MERTK: variants seen among roughly 807,000 people sequenced by gnomAD.
MERTK encodes the protein tyrosine-protein kinase Mer.
In MERTK, 69 loss-of-function variants were observed where a neutral mutation model predicts 99.3. The observed-to-expected ratio is 0.70, with a 90% CI of 0.57 to 0.85. The LOEUF (loss-of-function observed/expected upper bound fraction) is 0.85, where lower values mean the gene tolerates loss of function less well. MERTK is among the 40% of genes least tolerant of loss of function. The pLI is 0.00. For synonymous variants in MERTK, 426 were observed against 467.6 expected, an observed-to-expected ratio of 0.91 and a Z score of 1.15; for missense variants, 1,125 against 1,249.4, an observed-to-expected ratio of 0.90 and a Z score of 1.50.
intron 4 of MERTK, among the ~76,000 whole-genome samples, chr2:111,951,275 A>G (rs115365351): frequency 6.5e-4 from 99 of 151,972 alleles, no homozygotes; most frequent in Non-Finnish European, 1.2e-3. Context: ...GAACTTATTC[A>G]TCCTGTGGAC....
intron 18 of MERTK, among the ~76,000 whole-genome samples, chr2:112,027,763 C>G (rs930213551): frequency 2.6e-5 from 4 of 152,306 alleles, no homozygotes; most frequent in Middle Eastern, 3.4e-3. Context: ...ACAACTACCC[C>G]CTGCCCTCAC....
intron 4 of MERTK, among the ~76,000 whole-genome samples, chr2:111,963,661 G>A (rs1685300313): frequency 6.6e-6 from 1 of 152,198 alleles, no homozygotes; most frequent in Admixed American, 6.5e-5. Context: ...ACATGTTTCA[G>A]GGAGCACGGG....
intron 8 of MERTK, among the ~76,000 whole-genome samples, chr2:111,985,781 T>C (rs892838934): frequency 6.6e-6 from 1 of 152,026 alleles, no homozygotes; most frequent in African/African-American, 2.4e-5. Context: ...ATGACTCAAT[T>C]ACCTCCCACC....
intron 17 of MERTK, 47 bp downstream of exon 17, chr2:112,021,628 G>A (rs1487654794): frequency 3.9e-6 from 6 of 1,547,726 alleles, no homozygotes; most frequent in Non-Finnish European, 5.3e-6. Flanking sequence ...CAAAGAGGAG[G>A]GCATATTGAA....
chr2:111,972,984 T>G (rs1676154418), intron 6 of MERTK, among the ~76,000 whole-genome samples: 1 of 152,186 alleles, frequency 6.6e-6, no homozygotes, highest in South Asian at 2.1e-4. Context: ...TGGATGAGAT[T>G]CAGATCCATG....
At chr2:112,005,662 A>T (rs1369509609) in intron 13 of MERTK, among the ~76,000 whole-genome samples, 1 of 152,188 alleles carries the variant, frequency 6.6e-6, no homozygotes, top group Non-Finnish European at 1.5e-5. Flanking sequence ...CCCAGTCTTC[A>T]TCATGAATCA....
chr2:111,971,526 AGTTTTCT>A (rs1676119562), intron 6 of MERTK, among the ~76,000 whole-genome samples: 1 of 151,956 alleles, frequency 6.6e-6, no homozygotes. Flanking sequence ...GTTCATCTCA[AGTTTTCT>A]GTCATTTTCC....
At chr2:111,966,670 C>T (rs1231588995) in intron 5 of MERTK, among the ~76,000 whole-genome samples, 3 of 152,082 alleles carry the variant, frequency 2.0e-5, no homozygotes, top group East Asian at 3.9e-4. Context: ...AGCTACCAAG[C>T]CTCCCTTCTT....
chr2:111,936,720 G>T (rs943244642), intron 2 of MERTK, among the ~76,000 whole-genome samples: 1 of 152,214 alleles, frequency 6.6e-6, no homozygotes, highest in Non-Finnish European at 1.5e-5. Context: ...CTCCTCCTTG[G>T]TGCTGTAGCC....
chr2:112,029,407 C>T lies in MERTK; in HGVS notation c.*543C>T, dbSNP rs147396461. The T allele has an allele frequency of 1.8e-5, 16 of 885,680 alleles. No homozygotes were observed. The East Asian group carries it at 8.4e-4, about 46-fold the overall frequency. 54.9% of individuals were successfully genotyped at this position (885,680 alleles called of 1,614,324 possible). Reference sequence around the variant, plus strand: ...TACTTGAGACTTGAAAGACAGTGGTCGGCAGCGGCCTTGTGGCCTTTGCAA... The same window carrying T: ...TACTTGAGACTTGAAAGACAGTGGTTGGCAGCGGCCTTGTGGCCTTTGCAA... On this transcript the variant is annotated 3_prime_UTR_variant, in exon 19 of 19. Coordinates refer to ENST00000295408, the MANE Select transcript of MERTK (RefSeq NM_006343.3).
chr2:111,904,000 G>T (rs1684092096), intron 1 of MERTK, among the ~76,000 whole-genome samples: 1 of 152,112 alleles, frequency 6.6e-6, no homozygotes, highest in Admixed American at 6.5e-5. Context: ...TGTTCAGAAT[G>T]CTTTGGTGAA....
intron 15 of MERTK, among the ~76,000 whole-genome samples, chr2:112,017,456 C>T (rs1173564006): frequency 6.6e-6 from 1 of 151,978 alleles, no homozygotes; most frequent in Non-Finnish European, 1.5e-5. Context: ...ATGGAGAAAC[C>T]CCATCTCTAC....
intron 1 of MERTK, among the ~76,000 whole-genome samples, chr2:111,920,558 G>GTT (rs759533022): frequency 1.9e-5 from 2 of 106,298 alleles, no homozygotes; most frequent in Admixed American, 9.4e-5. Context: ...CTGATTGAAG[G>GTT]TTGTTTTTTT....
chr2:111,974,368 CAG>C (rs983431203), intron 6 of MERTK, among the ~76,000 whole-genome samples: 3 of 148,548 alleles, frequency 2.0e-5, no homozygotes, highest in African/African-American at 7.4e-5. Flanking sequence ...GCCTGGGCAA[CAG>C]AGTCAGACTC....
At chr2:111,934,826 T>C (rs1026021862) in intron 2 of MERTK, among the ~76,000 whole-genome samples, 4 of 152,238 alleles carry the variant, frequency 2.6e-5, no homozygotes, top group African/African-American at 9.6e-5. Flanking sequence ...GTCTAGGTTT[T>C]CTTCTAGAGT....
chr2:111,980,916 CTT>C (rs1676360389), intron 7 of MERTK, among the ~76,000 whole-genome samples: 1 of 152,178 alleles, frequency 6.6e-6, no homozygotes, highest in African/African-American at 2.4e-5. Flanking sequence ...GTTGACTCCT[CTT>C]TGCCTTGTGA....
chr2:111,972,431 G>A (rs1370456001), intron 6 of MERTK, among the ~76,000 whole-genome samples: 1 of 152,162 alleles, frequency 6.6e-6, no homozygotes, highest in African/African-American at 2.4e-5. Context: ...GACGTGAGGT[G>A]GGTAGGATGG....
At chr2:111,974,136 C>T (rs1676186584) in intron 6 of MERTK, among the ~76,000 whole-genome samples, 1 of 150,184 alleles carries the variant, frequency 6.7e-6, no homozygotes, top group Non-Finnish European at 1.5e-5. Context: ...CGCCTGTAAT[C>T]CTAGCACTTT....
chr2:111,947,140 G>C (rs1684973533), intron 3 of MERTK, among the ~76,000 whole-genome samples: 1 of 152,106 alleles, frequency 6.6e-6, no homozygotes, highest in Non-Finnish European at 1.5e-5. Flanking sequence ...AGACCTGGTG[G>C]TGTGCGCCTG....
Sources: gnomAD v4.1 joint callset for allele counts (sites outside exome capture counted in the v4.1 genomes callset) on GRCh38, gnomAD v4.1.1 for gene constraint, MANE v1.5 for transcripts, NCBI Gene and HGNC (gene_info 2026-07-23, HGNC 2026-07-21) for gene names.